CCDC9: variants seen among roughly 807,000 people sequenced by gnomAD.
CCDC9 encodes coiled-coil domain containing 9, also known as coiled-coil domain-containing protein 9.
CCDC9 carries 52 observed loss-of-function variants against 65.6 expected under a neutral mutation model. The ratio of observed to expected loss-of-function variants is 0.79; its 90% confidence interval spans 0.63 to 1.00. The LOEUF (loss-of-function observed/expected upper bound fraction) is 1.00, where lower values mean the gene tolerates loss of function less well. CCDC9 is among the 50% of genes least tolerant of loss of function. The probability of loss-of-function intolerance (pLI) is 0.00; values close to 1 mark genes in which losing one functional copy is unlikely to be tolerated. For missense variants in CCDC9, 834 were observed against 757.2 expected (o/e 1.10, Z -1.19); for synonymous variants, 332 against 280.3 (o/e 1.18, Z -1.84).
At chr19:47,273,305 G>A, downstream of CCDC9, 2 of 1,105,314 alleles carry the variant, frequency 1.8e-6, no homozygotes, top group Non-Finnish European at 2.3e-6. Flanking sequence ...TGGGCCGGGG[G>A]GGAGGTGGGA....
At chr19:47,268,111 T>G (rs890037853) in intron 8 of CCDC9, among the ~76,000 whole-genome samples, 3 of 152,122 alleles carry the variant, frequency 2.0e-5, no homozygotes, top group South Asian at 2.1e-4. Flanking sequence ...CCTCCCAAAG[T>G]GCTGAGATTA....
downstream of CCDC9, chr19:47,272,025 T>C: frequency 8.1e-7 from 1 of 1,236,360 alleles, no homozygotes; most frequent in Non-Finnish European, 1.0e-6. Context: ...GGTGGGGAGA[T>C]GTCAGGCGGG....
chr19:47,275,252 G>A (rs2123498071), downstream of CCDC9: 1 of 1,539,436 alleles, frequency 6.5e-7, no homozygotes, highest in Non-Finnish European at 8.8e-7. Flanking sequence ...AGCTGCCGCT[G>A]AGCCGCCGCC....
Position 47,266,600 on chromosome 19 carries a change from C to A in CCDC9, c.721-11C>A. On this transcript the variant is annotated splice_polypyrimidine_tract_variant and intron_variant, in intron 7 of 11. Transcript: ENST00000221922. ...GGACATCACCCTGACTCCCTGTGGG[C>A]TGGGGGGCAGGGCCGCCGAGCTGGC... 6.6e-7 allele frequency: 1 copy of A among 1,513,090 alleles called. No homozygotes were observed. The highest frequency in any genetic ancestry group is 8.9e-7 in the Non-Finnish European group (1 of 1,123,996). The allele number at this position is 1,513,090 out of a possible 1,614,324, so 93.7% of individuals were successfully genotyped here.
At chr19:47,264,451 C>T in intron 5 of CCDC9, 152 bp from the exon 6 acceptor site, 2 of 708,046 alleles carry the variant, frequency 2.8e-6, no homozygotes, top group East Asian at 5.4e-5. Flanking sequence ...CATCAGTTCA[C>T]TGCTGACCTG....
chr19:47,270,680 G>C lies in CCDC9; in HGVS notation c.1077G>C (p.Arg359Ser), dbSNP rs1318155392. Residue 359 changes from arginine to serine, a missense_variant, in exon 10 of 12, where the codon AGG becomes AGC. Transcript: ENST00000221922. The stretch of plus-strand genomic sequence containing the variant: ...GGCCCCAGGCCAAGGCAGCGCCCAG[G>C]GCCTACAGGTGGGGCACCCCTTCTG... ...SSRPQAKAAP[R>S]AYSDHDDRWE... 1 of 1,610,830 alleles carries C rather than the reference G, an allele frequency of 6.2e-7. No individual in the cohort carries two copies. The highest frequency in any genetic ancestry group is 8.5e-7 in the Non-Finnish European group (1 of 1,179,704).
intron 5 of CCDC9, among the ~76,000 whole-genome samples, chr19:47,262,163 G>T (rs886956221): frequency 6.6e-6 from 1 of 151,732 alleles, no homozygotes; most frequent in Non-Finnish European, 1.5e-5. Flanking sequence ...GGTGGTCCAG[G>T]GGGTGAGGCC....
At position 47,260,339 on chromosome 19, in the gene CCDC9, AAG is replaced by A; in HGVS notation, c.129_130del (p.Lys44SerfsTer2). The A allele has an allele frequency of 6.3e-7, 1 of 1,594,984 alleles. No homozygotes were observed. The highest frequency in any genetic ancestry group is 8.5e-7 in the Non-Finnish European group (1 of 1,170,494). ...CTCCTAGGAGATTGAGGAAGACCGT[AAG>A]AAAGCTGAACTTGAGGGAGTCGCAG... ...RRYQEIEEDRKKAELEGVAVT... is the reference protein window; with the variant it reads ...RRYQEIEEDRXKAELEGVAVT... On this transcript the variant is annotated frameshift_variant, in exon 4 of 12. Coordinates refer to ENST00000221922, the MANE Select transcript of CCDC9 (RefSeq NM_015603.3). LOFTEE classifies it high-confidence loss of function.
At chr19:47,258,456 G>A in intron 2 of CCDC9, 53 bp downstream of exon 2, 1 of 1,612,506 alleles carries the variant, frequency 6.2e-7, no homozygotes, top group African/African-American at 1.3e-5. Flanking sequence ...AAGGGGGCTT[G>A]GGAGGATGGG....
At chr19:47,257,255 C>A (rs1029817444) in intron 1 of CCDC9, among the ~76,000 whole-genome samples, 3 of 148,850 alleles carry the variant, frequency 2.0e-5, no homozygotes, top group African/African-American at 7.4e-5. Context: ...GTTGGCCAGG[C>A]CAATCGGAGG....
intron 1 of CCDC9, chr19:47,257,475 G>T (rs866216250): frequency 1.3e-5 from 2 of 149,888 alleles, no homozygotes; most frequent in Non-Finnish European, 3.0e-5. Context: ...GTTTTTTCCC[G>T]AGCCGTGGGC....
chr19:47,263,275 G>A (rs549041872), intron 5 of CCDC9, among the ~76,000 whole-genome samples: 2 of 152,182 alleles, frequency 1.3e-5, no homozygotes, highest in Non-Finnish European at 2.9e-5. Flanking sequence ...CACTGAACTC[G>A]CAGGTTCAGT....
Position 47,271,547 on chromosome 19 carries a change from C to T in CCDC9, c.1465C>T (p.Pro489Ser), listed in dbSNP as rs767866607. The T allele has an allele frequency of 2.5e-6, 4 of 1,613,244 alleles. No individual in the cohort carries two copies. Among genetic ancestry groups the T allele is most frequent in the East Asian group, 4.5e-5 (2 of 44,858 alleles). Residue 489 changes from proline to serine, a missense_variant, in exon 12 of 12, where the codon CCT (proline) becomes TCT (serine). Coordinates refer to ENST00000221922, the MANE Select transcript of CCDC9 (RefSeq NM_015603.3). ...CCAGGCCCCTGGCACGCCTTCCAGC[C>T]CTTTCTCACCACCCAGCGGCCACCA... ...EPQAPGTPSS[P>S]FSPPSGHQPV...
intron 8 of CCDC9, among the ~76,000 whole-genome samples, chr19:47,268,899 C>CAG (rs780766397): frequency 6.7e-6 from 1 of 149,424 alleles, no homozygotes; most frequent in Admixed American, 6.8e-5. Flanking sequence ...GCCTGGGCGA[C>CAG]AGAGAGAGAC....
At position 47,270,427 on chromosome 19, in the gene CCDC9, C is replaced by T. The variant is rs1158140552; in HGVS notation, c.923C>T (p.Pro308Leu). 8 of 1,614,080 alleles carry T rather than the reference C, an allele frequency of 5.0e-6. No individual in the cohort carries two copies. Among genetic ancestry groups the T allele is most frequent in the African/African-American group, 2.7e-5 (2 of 74,942 alleles). Residue 308 changes from proline (P) to leucine (L), a missense_variant, in exon 9 of 12, where the codon CCT (proline) becomes CTT (leucine). Physicochemically the swap from Pro to Leu is moderately conservative, Grantham distance 98. Coordinates refer to ENST00000221922, the MANE Select transcript of CCDC9 (RefSeq NM_015603.3). ...CCCAGGTTCAAGGATGGCCCAGTCC[C>T]TGCCCATGAACCATCCCACCGCTAT... ...TDGMFKDGPV[P>L]AHEPSHRYDD...
At position 47,271,362 on chromosome 19, in the gene CCDC9, T is replaced by C; in HGVS notation, c.1280T>C (p.Ile427Thr). Residue 427 changes from isoleucine (I) to threonine (T), a missense_variant, in exon 12 of 12, where the codon ATA becomes ACA. Coordinates refer to ENST00000221922, the MANE Select transcript of CCDC9 (RefSeq NM_015603.3). ...EGEEDEEWED[I>T]SEDEEEEEIE... ...GAAGAGGATGAAGAATGGGAGGACA[T>C]AAGTGAGGATGAGGAAGAGGAGGAG... The C allele has an allele frequency of 6.2e-7, 1 of 1,612,828 alleles. No homozygotes were observed. Among genetic ancestry groups the C allele is most frequent in the Non-Finnish European group, 8.5e-7 (1 of 1,179,616 alleles).
downstream of CCDC9, chr19:47,273,716 T>G (rs1307495029): frequency 2.7e-6 from 1 of 369,120 alleles, no homozygotes; most frequent in South Asian, 1.5e-4. Flanking sequence ...CGAGCCAGTC[T>G]TCAGGCCGAA....
downstream of CCDC9, chr19:47,275,023 C>T (rs1202257347): frequency 1.3e-6 from 2 of 1,487,370 alleles, no homozygotes; most frequent in African/African-American, 1.5e-5. Context: ...CCGGTATGCG[C>T]CTACTTCCTC....
At chr19:47,275,233 C>T, downstream of CCDC9, 1 of 1,535,004 alleles carries the variant, frequency 6.5e-7, no homozygotes, top group Non-Finnish European at 8.8e-7. Context: ...GGGCCGCGAC[C>T]CCAGCTCCAG....
Sources: gnomAD v4.1 joint callset for allele counts (sites outside exome capture counted in the v4.1 genomes callset) on GRCh38, gnomAD v4.1.1 for gene constraint, MANE v1.5 for transcripts, NCBI Gene and HGNC (gene_info 2026-07-23, HGNC 2026-07-21) for gene names.